The following GNL2 variants were observed in gnomAD, a reference collection of about 807,000 sequenced individuals.
GNL2 encodes the protein nucleolar GTP-binding protein 2.
In GNL2, 51 loss-of-function variants were observed where a neutral mutation model predicts 92.3. The ratio of observed to expected loss-of-function variants is 0.55; its 90% confidence interval spans 0.44 to 0.70. The LOEUF is 0.70. Among genes scored for constraint, GNL2 ranks in the 30% least tolerant of loss-of-function variants. GNL2 has a pLI of 0.00. For missense variants in GNL2, 844 were observed against 895.6 expected (o/e 0.94, Z 0.74); for synonymous variants, 283 against 300.6 (o/e 0.94, Z 0.61).
intron 8 of GNL2, among the ~76,000 whole-genome samples, chr1:37,581,732 TCGGCTCACGGCAAACTC>T (rs1291689019): frequency 6.6e-6 from 1 of 150,970 alleles, no homozygotes; most frequent in Non-Finnish European, 1.5e-5. Context: ...TGGCGCAATC[TCGGCTCACGGCAAACTC>T]CGCCTCCCAG....
intron 15 of GNL2, 24 bp from the exon 16 acceptor site, chr1:37,567,031 T>C (rs749143027): frequency 1.9e-6 from 3 of 1,599,318 alleles, no homozygotes; most frequent in South Asian, 2.3e-5. Context: ...CAAGAAAAGA[T>C]GAAGAAAAAA....
At chr1:37,581,267 G>A (rs1319534832) in intron 8 of GNL2, 2 of 437,424 alleles carry the variant, frequency 4.6e-6, no homozygotes, top group Non-Finnish European at 9.3e-6. Context: ...GGGGAAGGGT[G>A]GGACAGCAGA....
At position 37,587,409 on chromosome 1, in the gene GNL2, TGCA is replaced by T; in HGVS notation, c.468_470del (p.Phe156_Ala157delinsLeu). ...TTTCGATAAGAGACTGCATATCACT[TGCA>T]AATAAGTTTGGTCGTTTCCTCTGTG... On this transcript the variant is annotated inframe_deletion, in exon 5 of 16. Transcript: ENST00000373062. 6.2e-7 allele frequency: 1 copy of T among 1,613,486 alleles called. No homozygotes were observed. The highest frequency in any genetic ancestry group is 8.5e-7 in the Non-Finnish European group (1 of 1,179,410).
At chr1:37,585,030 C>T (rs1368488088) in intron 5 of GNL2, among the ~76,000 whole-genome samples, 1 of 150,132 alleles carries the variant, frequency 6.7e-6, no homozygotes, top group Non-Finnish European at 1.5e-5. Flanking sequence ...TGCAGTGAGC[C>T]GAGATCACAT....
intron 5 of GNL2, among the ~76,000 whole-genome samples, chr1:37,585,090 C>T (rs1467415859): frequency 8.2e-5 from 2 of 24,380 alleles, no homozygotes; most frequent in African/African-American, 3.9e-4. Flanking sequence ...GACGGAGTCT[C>T]GCTCTGTCGC....
chr1:37,593,902 C>A (rs973149446), intron 1 of GNL2, 56 bp from the exon 2 acceptor site: 183 of 1,273,088 alleles, frequency 1.4e-4, no homozygotes, highest in Admixed American at 7.5e-4. Context: ...GTATAACCAA[C>A]AAGTCATTGC....
chr1:37,594,793 G>A lies in GNL2; in HGVS notation c.65-947C>T, dbSNP rs529747256. On this transcript the variant is annotated intron_variant, in intron 1 of 15. Transcript: ENST00000373062. ...TGACCTCGGGTGATCCGACCGCCTC[G>A]GCCTCCCAAAGTGCTGGGATTACAG... is the stretch of plus-strand genomic sequence containing the variant. Among the ~76,000 whole-genome samples, 5 of 152,254 alleles carry A rather than the reference G, an allele frequency of 3.3e-5. 1 individual carries two copies. In the South Asian group the frequency reaches 1.0e-3, roughly 32 times the overall value.
chr1:37,576,611 A>T, intron 8 of GNL2, 55 bp from the exon 9 acceptor site: 1 of 1,559,148 alleles, frequency 6.4e-7, no homozygotes, highest in Non-Finnish European at 8.7e-7. Flanking sequence ...ATCCCTTTGG[A>T]CAAGTAGGTT....
intron 8 of GNL2, among the ~76,000 whole-genome samples, chr1:37,579,192 GAAATTAA>G (rs935004235): frequency 4.6e-5 from 7 of 152,152 alleles, no homozygotes; most frequent in Admixed American, 1.3e-4. Context: ...AGAGCTCTCA[GAAATTAA>G]AAATTAAAAG....
intron 3 of GNL2, among the ~76,000 whole-genome samples, chr1:37,592,350 G>GC (rs1643892450): frequency 2.0e-5 from 3 of 152,148 alleles, no homozygotes; most frequent in South Asian, 2.1e-4. Context: ...TCGGGCTAAT[G>GC]CACTTACCCT....
intron 14 of GNL2, chr1:37,568,064 A>G: frequency 1.7e-6 from 1 of 592,968 alleles, no homozygotes; most frequent in Non-Finnish European, 3.0e-6. Context: ...CTTTCTAGGA[A>G]GTTTCCTGAA....
chr1:37,595,207 G>C (rs1297475538), intron 1 of GNL2, among the ~76,000 whole-genome samples: 1 of 152,214 alleles, frequency 6.6e-6, no homozygotes, highest in Non-Finnish European at 1.5e-5. Context: ...CTCTCCCATA[G>C]GATGTCTTGT....
chr1:37,573,777 A>G (rs865834538), intron 12 of GNL2, among the ~76,000 whole-genome samples: 2 of 152,298 alleles, frequency 1.3e-5, no homozygotes, highest in Middle Eastern at 6.8e-3. Context: ...ATGTCTACTT[A>G]TTAGTCTCCA....
intron 5 of GNL2, among the ~76,000 whole-genome samples, chr1:37,585,289 C>T (rs1453725948): frequency 2.0e-5 from 3 of 151,764 alleles, no homozygotes; most frequent in Non-Finnish European, 2.9e-5. Flanking sequence ...AAACTACTGA[C>T]CTCAGGTGAT....
intron 3 of GNL2, among the ~76,000 whole-genome samples, chr1:37,591,504 CTT>C (rs34721968): frequency 1.6e-4 from 22 of 134,990 alleles, no homozygotes; most frequent in Admixed American, 4.5e-4. Context: ...TATATTTACT[CTT>C]TTTTTTTTTT....
At chr1:37,576,168 A>AGT in intron 9 of GNL2, 1 of 386,368 alleles carries the variant, frequency 2.6e-6, no homozygotes, top group Non-Finnish European at 4.6e-6. Flanking sequence ...AAAAGGCTGG[A>AGT]GTGATAATTT....
intron 8 of GNL2, 83 bp downstream of exon 8, chr1:37,582,140 T>C: frequency 1.1e-6 from 1 of 909,584 alleles, no homozygotes; most frequent in Non-Finnish European, 1.7e-6. Context: ...AGTTGGCAAC[T>C]TTCTGCTATG....
At chr1:37,567,807 T>G in intron 14 of GNL2, 43 bp from the exon 15 acceptor site, 1 of 1,506,304 alleles carries the variant, frequency 6.6e-7, no homozygotes, top group African/African-American at 1.4e-5. Flanking sequence ...CTATTGAAAA[T>G]TTGTCTATAA....
intron 1 of GNL2, among the ~76,000 whole-genome samples, chr1:37,595,552 T>G (rs2148147319): frequency 6.6e-6 from 1 of 152,344 alleles, no homozygotes; most frequent in East Asian, 1.9e-4. Flanking sequence ...CTGCCAGGCG[T>G]GCACTGAGCC....
Sources: allele counts gnomAD v4.1 joint callset (sites outside exome capture counted in the v4.1 genomes callset), GRCh38; gene constraint gnomAD v4.1.1; transcripts MANE v1.5; gene names NCBI Gene and HGNC (gene_info 2026-07-23, HGNC 2026-07-21).